Variants in CPLANE1 observed in about 807,000 individuals in gnomAD.
The protein encoded by CPLANE1 is ciliogenesis and planar polarity effector 1.
A neutral mutation model predicts 362.5 loss-of-function variants in CPLANE1; 263 were observed. The ratio of observed to expected loss-of-function variants is 0.73; its 90% CI spans 0.66 to 0.80. The LOEUF is 0.80. Among genes scored for constraint, CPLANE1 ranks in the 30% least tolerant of loss-of-function variants. The pLI, the probability that CPLANE1 is intolerant of heterozygous loss-of-function variation, is 0.00. For synonymous variants in CPLANE1, 1,212 were observed against 1,302.6 expected, an observed-to-expected ratio of 0.93 and a Z score of 1.50; for missense variants, 3,461 against 3,793.4, an observed-to-expected ratio of 0.91 and a Z score of 2.30.
chr5:37,176,038 T>C, intron 30 of CPLANE1, 52 bp from the exon 31 acceptor site: 1 of 1,215,526 alleles, frequency 8.2e-7, no homozygotes, highest in South Asian at 1.2e-5. Context: ...CTTTGCATTA[T>C]CTAAGGTATG....
intron 44 of CPLANE1, chr5:37,141,377 C>T (rs145845312): frequency 1.0e-6 from 1 of 985,268 alleles, no homozygotes; most frequent in East Asian, 1.1e-4. Context: ...CTATCAGTGA[C>T]CAAGAAAATA....
chr5:37,183,272 C>A lies in CPLANE1; in HGVS notation c.4909G>T (p.Glu1637Ter). 1.9e-6 allele frequency: 3 copies of A among 1,613,400 alleles called. No homozygotes were observed. The highest frequency in any genetic ancestry group is 2.5e-6 in the Non-Finnish European group (3 of 1,179,866). Reference sequence around the variant, plus strand: ...TGGTTTTCTAAATGCATGCCATATTCATCATTTAAAGAGGATGATTTTTCT... The same window carrying A: ...TGGTTTTCTAAATGCATGCCATATTAATCATTTAAAGAGGATGATTTTTCT... Reference protein sequence around the residue: ...ESEKSSSLNDEYGMHLENQKL... With the variant: ...ESEKSSSLND Residue 1637 changes from glutamate (E) to a stop codon, truncating the protein, a stop_gained, in exon 26 of 53, where the codon GAA (glutamate) becomes TAA (stop). Transcript: ENST00000651892. LOFTEE classifies it high-confidence loss of function.
At chr5:37,120,490 A>G in intron 49 of CPLANE1, 150 bp from the exon 50 acceptor site, 1 of 584,690 alleles carries the variant, frequency 1.7e-6, no homozygotes, top group Non-Finnish European at 2.8e-6. Context: ...GGATCACTGG[A>G]ACCCAGAGAG....
chr5:37,194,261 C>T (rs550521042), intron 21 of CPLANE1, among the ~76,000 whole-genome samples: 37 of 152,166 alleles, frequency 2.4e-4, no homozygotes, highest in African/African-American at 8.9e-4. Flanking sequence ...CACTTCTCAA[C>T]AATCAAGAGA....
chr5:37,228,822 C>A lies in CPLANE1; in HGVS notation c.1122-1005G>T, dbSNP rs532918411. 2.0e-5 allele frequency among the ~76,000 whole-genome samples: 3 copies of A among 151,826 alleles called. No individual in the cohort carries two copies. In the South Asian group the frequency reaches 6.3e-4, roughly 32 times the overall value. ...TATACTTTCATAATCAGAAAAAAAG[C>A]AGTTTGGAAGGCCCCAAATATTAAT... is the stretch of plus-strand genomic sequence containing the variant. On this transcript the variant is annotated intron_variant, in intron 9 of 52. Coordinates refer to ENST00000651892, the MANE Select transcript of CPLANE1 (RefSeq NM_001384732.1).
intron 8 of CPLANE1, among the ~76,000 whole-genome samples, chr5:37,238,094 G>C (rs531452980): frequency 5.2e-4 from 79 of 152,216 alleles, no homozygotes; most frequent in Non-Finnish European, 9.0e-4. Flanking sequence ...AGGAAGGAAT[G>C]ACTGAGCCCG....
At chr5:37,220,456 G>C (rs1403626673) in intron 15 of CPLANE1, among the ~76,000 whole-genome samples, 1 of 151,642 alleles carries the variant, frequency 6.6e-6, no homozygotes, top group Non-Finnish European at 1.5e-5. Flanking sequence ...CTTTCCCTCT[G>C]GTTATTGCCT....
At chr5:37,139,970 C>G in intron 44 of CPLANE1, 1 of 974,588 alleles carries the variant, frequency 1.0e-6, no homozygotes. Context: ...ATAAAATATA[C>G]ACAAACAAAA....
intron 15 of CPLANE1, among the ~76,000 whole-genome samples, chr5:37,220,236 A>G (rs1333360502): frequency 6.6e-6 from 1 of 150,974 alleles, no homozygotes; most frequent in Non-Finnish European, 1.5e-5. Context: ...CGGCAACAGA[A>G]TAAGACCATA....
At chr5:37,118,250 A>G (rs1294958918) in intron 50 of CPLANE1, among the ~76,000 whole-genome samples, 1 of 151,836 alleles carries the variant, frequency 6.6e-6, no homozygotes, top group Non-Finnish European at 1.5e-5. Context: ...GAACAAATAA[A>G]CAAAAATTAG....
At chr5:37,167,006 G>A (rs758495520) in intron 35 of CPLANE1, 41 bp downstream of exon 35, 6 of 1,440,540 alleles carry the variant, frequency 4.2e-6, no homozygotes, top group Non-Finnish European at 5.8e-6. Flanking sequence ...TGAACTTGCT[G>A]ATATATGATA....
intron 41 of CPLANE1, among the ~76,000 whole-genome samples, chr5:37,155,751 T>A (rs1473250960): frequency 6.6e-6 from 1 of 152,248 alleles, no homozygotes; most frequent in East Asian, 1.9e-4. Context: ...ATAAATGAAA[T>A]TAATCTGTAG....
rs1561315723 is a variant in CPLANE1 at position 37,121,761 on chromosome 5, C to T, written c.9041G>A (p.Ser3014Asn). The T allele has an allele frequency of 1.2e-6, 2 of 1,613,906 alleles. No homozygotes were observed. Among genetic ancestry groups the T allele is most frequent in the South Asian group, 1.1e-5 (1 of 91,070 alleles). Residue 3014 changes from serine to asparagine, a missense_variant, in exon 49 of 53, where the codon AGT (serine) becomes AAT (asparagine). Around this residue, in one of 2 missense-constraint regions of CPLANE1, gnomAD observed 3,380 missense variants for 3,666.1 expected, o/e 0.92. Coordinates refer to ENST00000651892, the MANE Select transcript of CPLANE1 (RefSeq NM_001384732.1). ...ACCGTACGCTTGTGAGATTCGACGA[C>T]TATAGTGTTCAGAGAGCAGCAATCT... ...KDRLLLSEHY[S>N]RRISQAYGLM...
chr5:37,107,745 G>GCT lies in CPLANE1; in HGVS notation c.9611_9612dup (p.His3205SerfsTer68). The stretch of plus-strand genomic sequence containing the variant: ...TCCACACCGCCCACCCCAAAAGGAT[G>GCT]CTCTGGCTCTTCCTCTTCAGTTGGA... On this transcript the variant is annotated frameshift_variant, in exon 53 of 53. Transcript: ENST00000651892. LOFTEE classifies it high-confidence loss of function. The GCT allele has an allele frequency of 1.2e-6, 2 of 1,611,472 alleles. No homozygotes were observed. Among genetic ancestry groups the GCT allele is most frequent in the South Asian group, 2.2e-5 (2 of 90,386 alleles).
chr5:37,152,646 T>C (rs1773899906), intron 42 of CPLANE1, among the ~76,000 whole-genome samples: 2 of 152,106 alleles, frequency 1.3e-5, no homozygotes, highest in African/African-American at 4.8e-5. Flanking sequence ...CCCAACACTT[T>C]TGGAGGCCAA....
intron 29 of CPLANE1, among the ~76,000 whole-genome samples, chr5:37,178,022 C>A (rs374272964): frequency 9.9e-5 from 15 of 152,174 alleles, no homozygotes; most frequent in African/African-American, 3.4e-4. Flanking sequence ...AACTATAAAA[C>A]CAGGAAAAAT....
At chr5:37,167,699 A>G (rs1778659419) in intron 34 of CPLANE1, among the ~76,000 whole-genome samples, 1 of 152,218 alleles carries the variant, frequency 6.6e-6, no homozygotes, top group Non-Finnish European at 1.5e-5. Context: ...AATCACTTGA[A>G]TCTGGGAGTT....
At chr5:37,119,473 C>G (rs1762008203) in intron 50 of CPLANE1, among the ~76,000 whole-genome samples, 1 of 150,304 alleles carries the variant, frequency 6.7e-6, no homozygotes, top group Non-Finnish European at 1.5e-5. Flanking sequence ...GAGTTCGAGA[C>G]CAGCCTCACC....
intron 30 of CPLANE1, among the ~76,000 whole-genome samples, chr5:37,176,957 A>G (rs1471694473): frequency 2.6e-5 from 4 of 152,002 alleles, no homozygotes. Flanking sequence ...ACAGGGTTTC[A>G]CCGTGTTAGC....
Sources: gnomAD v4.1 joint callset for allele counts (sites outside exome capture counted in the v4.1 genomes callset) on GRCh38, gnomAD v4.1.1 for gene constraint, gnomAD v4.1.1 regional missense constraint, MANE v1.5 for transcripts, NCBI Gene and HGNC (gene_info 2026-07-23, HGNC 2026-07-21) for gene names.